Variants in SCAPER observed in about 807,000 individuals in gnomAD.
The protein encoded by SCAPER is S-phase cyclin A associated protein in the ER.
SCAPER carries 98 observed loss-of-function variants against 182.2 expected under a neutral mutation model. The observed-to-expected ratio is 0.54, with a 90% CI of 0.46 to 0.64. The LOEUF (loss-of-function observed/expected upper bound fraction) is 0.64. Ranked by LOEUF, SCAPER falls within the 30% of genes least tolerant of loss-of-function variation. The pLI is 0.00. For synonymous variants in SCAPER, 605 were observed against 564.6 expected, an observed-to-expected ratio of 1.07 and a Z score of -1.01; for missense variants, 1,432 against 1,690.0, an observed-to-expected ratio of 0.85 and a Z score of 2.68.
intron 22 of SCAPER, among the ~76,000 whole-genome samples, chr15:76,601,372 G>A (rs2049923223): frequency 8.2e-6 from 1 of 121,868 alleles, no homozygotes; most frequent in Admixed American, 9.3e-5. Context: ...GGTCCCAAAA[G>A]ATTATAATAC....
At chr15:76,840,834 C>T (rs1184929633) in intron 5 of SCAPER, among the ~76,000 whole-genome samples, 1 of 152,114 alleles carries the variant, frequency 6.6e-6, no homozygotes, top group Non-Finnish European at 1.5e-5. Context: ...CACTCTACAC[C>T]ATGTGTCTGT....
At chr15:76,606,216 T>C in intron 22 of SCAPER, among the ~76,000 whole-genome samples, 1 of 152,214 alleles carries the variant, frequency 6.6e-6, no homozygotes, top group Non-Finnish European at 1.5e-5. Flanking sequence ...TTTTGGTATG[T>C]TGTGTCTTTG....
rs1011269437 is a variant in SCAPER at position 76,471,388 on chromosome 15, A to G, written c.2955-53T>C. 5.2e-6 allele frequency: 8 copies of G among 1,535,282 alleles called. No homozygotes were observed. The African/African-American group carries it at 9.7e-5, about 19-fold the overall frequency. ...TAAAACCCGAGCAGCTCTTCTTTAAACAATTAAAAATACATAAAATGAATG... is the reference window on the plus strand; with the variant it reads ...TAAAACCCGAGCAGCTCTTCTTTAAGCAATTAAAAATACATAAAATGAATG... On this transcript the variant is annotated intron_variant, in intron 24 of 31. Transcript: ENST00000563290.
chr15:76,382,088 G>C (rs1005460910), intron 27 of SCAPER, among the ~76,000 whole-genome samples: 4 of 152,168 alleles, frequency 2.6e-5, no homozygotes, highest in Admixed American at 2.6e-4. Context: ...TACTGTGGTA[G>C]GGAGATTCTT....
At position 76,832,457 on chromosome 15, in the gene SCAPER, C is replaced by T. The variant is rs2068566053; in HGVS notation, c.393+9277G>A. Among the ~76,000 whole-genome samples, 2 of 152,154 alleles carry T rather than the reference C, an allele frequency of 1.3e-5. 1 individual carries two copies. The highest frequency in any genetic ancestry group is 1.3e-4 in the Admixed American group (2 of 15,274). On this transcript the variant is annotated intron_variant, in intron 5 of 31. Coordinates refer to ENST00000563290, the MANE Select transcript of SCAPER (RefSeq NM_020843.4). ...AGGAATTTTAAAAAATGAACAAAAC[C>T]TCTGAGAAATATGTGATAATGTAAA...
At chr15:76,401,025 G>T (rs2044418354) in intron 27 of SCAPER, among the ~76,000 whole-genome samples, 1 of 151,776 alleles carries the variant, frequency 6.6e-6, no homozygotes, top group South Asian at 2.1e-4. Flanking sequence ...TAGTTTCCAA[G>T]TTTGAGAATA....
At chr15:76,497,078 C>A (rs982254534) in intron 24 of SCAPER, among the ~76,000 whole-genome samples, 1 of 143,642 alleles carries the variant, frequency 7.0e-6, no homozygotes, top group East Asian at 2.1e-4. Flanking sequence ...TTCCAGCCCC[C>A]TTCTGTCCCA....
intron 23 of SCAPER, among the ~76,000 whole-genome samples, chr15:76,534,536 T>C (rs191939149): frequency 6.6e-6 from 1 of 152,294 alleles, no homozygotes; most frequent in Non-Finnish European, 1.5e-5. Context: ...CAAATAGAAA[T>C]CTGTTAACTT....
intron 21 of SCAPER, among the ~76,000 whole-genome samples, chr15:76,626,931 T>C (rs950156086): frequency 2.0e-5 from 3 of 152,260 alleles, no homozygotes; most frequent in South Asian, 2.1e-4. Context: ...GCTTAGAACA[T>C]TGTGGAGACC....
rs80247051 is a variant in SCAPER, at chr15:76,381,761, A to G, written c.3468-146T>C. The G allele has an allele frequency of 2.6e-3, 1,762 of 670,036 alleles. 19 individuals are homozygous for G. The African/African-American group carries it at 0.029, about 11-fold the overall frequency. The allele number at this position is 670,036 out of a possible 1,614,324, so 41.5% of individuals were successfully genotyped here. On this transcript the variant is annotated intron_variant, in intron 27 of 31. Transcript: ENST00000563290. ...TGGTAACAAGAAACTTCAAGGAATAAATGCAGCCCTCCCCACCAACTGCAC... is the reference window on the plus strand; with the variant it reads ...TGGTAACAAGAAACTTCAAGGAATAGATGCAGCCCTCCCCACCAACTGCAC...
intron 26 of SCAPER, among the ~76,000 whole-genome samples, chr15:76,432,267 G>A (rs1264285959): frequency 6.6e-6 from 1 of 152,218 alleles, no homozygotes; most frequent in Non-Finnish European, 1.5e-5. Flanking sequence ...AAAGGCCAGG[G>A]AGGCTAAAAG....
chr15:76,384,292 C>T (rs1282600707), intron 27 of SCAPER, among the ~76,000 whole-genome samples: 1 of 152,170 alleles, frequency 6.6e-6, no homozygotes, highest in Non-Finnish European at 1.5e-5. Flanking sequence ...TTTCCCTTTA[C>T]TCTTGTGTTG....
At chr15:76,810,342 T>C (rs1271273903) in intron 5 of SCAPER, among the ~76,000 whole-genome samples, 1 of 151,884 alleles carries the variant, frequency 6.6e-6, no homozygotes, top group Admixed American at 6.6e-5. Flanking sequence ...AATTGTGACA[T>C]CAATACTATT....
intron 24 of SCAPER, among the ~76,000 whole-genome samples, chr15:76,477,934 T>C (rs1465343379): frequency 6.6e-6 from 1 of 151,908 alleles, no homozygotes; most frequent in East Asian, 1.9e-4. Context: ...ATTGCTATCT[T>C]AATTTTTTTT....
At chr15:76,807,683 C>G (rs1158610746) in intron 5 of SCAPER, among the ~76,000 whole-genome samples, 1 of 112,642 alleles carries the variant, frequency 8.9e-6, no homozygotes, top group Non-Finnish European at 1.7e-5. Flanking sequence ...TCCCTCCCCC[C>G]TCCCCCCACC....
chr15:76,542,211 A>C (rs866663896), intron 23 of SCAPER, among the ~76,000 whole-genome samples: 2 of 152,166 alleles, frequency 1.3e-5, no homozygotes, highest in Admixed American at 1.3e-4. Context: ...GCCAAGTGTT[A>C]TCAGGGCTGG....
intron 14 of SCAPER, among the ~76,000 whole-genome samples, chr15:76,763,527 T>C (rs537674724): frequency 4.7e-5 from 6 of 127,340 alleles, no homozygotes; most frequent in Admixed American, 4.5e-4. Context: ...TCTCCATATT[T>C]AGGAAGTTTT....
At chr15:76,816,455 T>G (rs1190944940) in intron 5 of SCAPER, among the ~76,000 whole-genome samples, 1 of 152,128 alleles carries the variant, frequency 6.6e-6, no homozygotes, top group Non-Finnish European at 1.5e-5. Flanking sequence ...CTCCACATAT[T>G]GTCCCACTGC....
At chr15:76,410,343 C>T (rs1361521962) in intron 26 of SCAPER, among the ~76,000 whole-genome samples, 1 of 152,144 alleles carries the variant, frequency 6.6e-6, no homozygotes, top group Non-Finnish European at 1.5e-5. Context: ...TGATGCTAAC[C>T]TTAAGGACCT....
Sources: gnomAD v4.1 joint callset for allele counts (sites outside exome capture counted in the v4.1 genomes callset) on GRCh38, gnomAD v4.1.1 for gene constraint, MANE v1.5 for transcripts, NCBI Gene and HGNC (gene_info 2026-07-23, HGNC 2026-07-21) for gene names.